GALK2: variants seen among roughly 807,000 people sequenced by gnomAD.
The protein encoded by GALK2 is N-acetylgalactosamine kinase.
In GALK2, 36 loss-of-function variants were observed where a neutral mutation model predicts 52.4. The ratio of observed to expected loss-of-function variants is 0.69; its 90% CI spans 0.53 to 0.91. GALK2 has a LOEUF of 0.91. Among genes scored for constraint, GALK2 ranks in the 40% least tolerant of loss-of-function variants. GALK2 has a pLI of 0.00. For synonymous variants in GALK2, 176 were observed against 199.1 expected (o/e 0.88, Z 0.98); for missense variants, 579 against 559.1 (o/e 1.04, Z -0.36).
At chr15:49,156,901 A>G in intron 1 of GALK2, 2 of 487,338 alleles carry the variant, frequency 4.1e-6, no homozygotes, top group South Asian at 3.8e-5. Flanking sequence ...CATCCTGTAT[A>G]TTTTCTTATT....
chr15:49,243,407 G>A (rs2091193796), intron 5 of GALK2, among the ~76,000 whole-genome samples: 1 of 152,134 alleles, frequency 6.6e-6, no homozygotes, highest in South Asian at 2.1e-4. Flanking sequence ...ACTCCAGCAG[G>A]AATGTTGGAG....
chr15:49,236,014 C>G (rs974925047), intron 4 of GALK2, 73 bp downstream of exon 4: 9 of 927,014 alleles, frequency 9.7e-6, no homozygotes, highest in Non-Finnish European at 1.6e-5. Flanking sequence ...ATTTTATTTA[C>G]TACATCTTTT....
At chr15:49,336,257 C>T (rs138633156), downstream of GALK2, among the ~76,000 whole-genome samples, 31 of 152,360 alleles carry the variant, frequency 2.0e-4, no homozygotes, top group South Asian at 6.0e-3. Context: ...AAGTATGTTG[C>T]TAATGAAGCT....
intron 1 of GALK2, among the ~76,000 whole-genome samples, chr15:49,158,013 T>C (rs1407396825): frequency 6.6e-6 from 1 of 151,922 alleles, no homozygotes; most frequent in Non-Finnish European, 1.5e-5. Context: ...TTTTTTTTTG[T>C]AGTGGAGAAA....
intron 5 of GALK2, among the ~76,000 whole-genome samples, chr15:49,279,746 A>G (rs17397211): frequency 0.19 from 28,265 of 152,176 alleles, 2,788 homozygotes; most frequent in Non-Finnish European, 0.21. Flanking sequence ...AGGTTCCATC[A>G]TCTCTTACAT....
chr15:49,157,398 G>A (rs2084496118), intron 1 of GALK2, among the ~76,000 whole-genome samples: 1 of 151,994 alleles, frequency 6.6e-6, no homozygotes, highest in Non-Finnish European at 1.5e-5. Flanking sequence ...ACTACCCCAG[G>A]GAATAAGAAG....
chr15:49,202,742 G>C (rs1199491400), intron 2 of GALK2, among the ~76,000 whole-genome samples: 1 of 152,110 alleles, frequency 6.6e-6, no homozygotes, highest in Non-Finnish European at 1.5e-5. Flanking sequence ...TGGATCATAT[G>C]GTGGTTCTAT....
upstream of GALK2, among the ~76,000 whole-genome samples, chr15:49,165,651 G>A (rs1595855099): frequency 3.3e-5 from 5 of 152,004 alleles, no homozygotes; most frequent in South Asian, 1.0e-3. Context: ...TATTTAAAAT[G>A]ATATTTTGGT....
intron 1 of GALK2, among the ~76,000 whole-genome samples, chr15:49,162,781 A>G (rs750009131): frequency 8.5e-5 from 13 of 152,312 alleles, no homozygotes; most frequent in Non-Finnish European, 1.9e-4. Context: ...GCCAAAAAAT[A>G]AAAAATATGG....
At chr15:49,302,512 G>C (rs1178758425) in intron 8 of GALK2, among the ~76,000 whole-genome samples, 1 of 152,152 alleles carries the variant, frequency 6.6e-6, no homozygotes, top group Non-Finnish European at 1.5e-5. Context: ...GATTATCTTG[G>C]TTAAGTCTAA....
chr15:49,203,114 G>T (rs575244415), intron 2 of GALK2, among the ~76,000 whole-genome samples: 1 of 151,940 alleles, frequency 6.6e-6, no homozygotes, highest in South Asian at 2.1e-4. Flanking sequence ...GCAGTGGCAC[G>T]ATCTGGGCTC....
intron 3 of GALK2, among the ~76,000 whole-genome samples, chr15:49,340,879 G>C (rs1342630479): frequency 6.6e-6 from 1 of 152,068 alleles, no homozygotes; most frequent in Non-Finnish European, 1.5e-5. Flanking sequence ...TTTTCTTCTA[G>C]GATTCTTATA....
At chr15:49,347,929 G>T (rs1200974894) in intron 3 of GALK2, among the ~76,000 whole-genome samples, 1 of 143,282 alleles carries the variant, frequency 7.0e-6, no homozygotes, top group Non-Finnish European at 1.5e-5. Context: ...TGAGGCAGGA[G>T]AATTGTTTGA....
At chr15:49,158,601 A>G (rs1015516676) in intron 1 of GALK2, among the ~76,000 whole-genome samples, 1 of 152,226 alleles carries the variant, frequency 6.6e-6, no homozygotes, top group African/African-American at 2.4e-5. Flanking sequence ...GTATCACATG[A>G]TAAAAGATTT....
intron 4 of GALK2, 64 bp downstream of exon 4, chr15:49,236,005 T>C (rs1301891855): frequency 7.4e-6 from 7 of 940,738 alleles, no homozygotes; most frequent in Non-Finnish European, 1.2e-5. Context: ...GTCAGATTTA[T>C]TTTATTTACT....
At chr15:49,163,655 G>T (rs992428441) in intron 1 of GALK2, among the ~76,000 whole-genome samples, 3 of 152,126 alleles carry the variant, frequency 2.0e-5, no homozygotes, top group African/African-American at 7.2e-5. Flanking sequence ...AGCATAATTT[G>T]ATCCTTTTAA....
intron 1 of GALK2, among the ~76,000 whole-genome samples, chr15:49,165,143 G>T (rs1373300063): frequency 6.6e-6 from 1 of 152,160 alleles, no homozygotes; most frequent in Non-Finnish European, 1.5e-5. Flanking sequence ...ATGAATGATA[G>T]AATAATGGAT....
intron 5 of GALK2, among the ~76,000 whole-genome samples, chr15:49,267,238 T>C (rs1044175656): frequency 2.6e-5 from 4 of 152,074 alleles, no homozygotes. Flanking sequence ...AAATTAAACA[T>C]CAGGAGTAAT....
chr15:49,283,977 G>A (rs1030526155), intron 7 of GALK2, among the ~76,000 whole-genome samples: 1 of 152,174 alleles, frequency 6.6e-6, no homozygotes, highest in Non-Finnish European at 1.5e-5. Context: ...TTAGGTCTAT[G>A]GGTGGAGAAA....
Sources: allele counts gnomAD v4.1 joint callset (sites outside exome capture counted in the v4.1 genomes callset), GRCh38; gene constraint gnomAD v4.1.1; transcripts MANE v1.5; gene names NCBI Gene and HGNC (gene_info 2026-07-23, HGNC 2026-07-21).